DPP10: variants seen among roughly 807,000 people sequenced by gnomAD.
The protein encoded by DPP10 is dipeptidyl peptidase like 10.
Under a neutral mutation model 120.9 loss-of-function variants are expected in DPP10, and 33 were observed. The observed-to-expected ratio is 0.27, with a 90% CI of 0.21 to 0.37. The LOEUF is 0.37. Ranked by LOEUF, DPP10 falls within the 10% of genes least tolerant of loss-of-function variation. The pLI is 1.00. For synonymous variants in DPP10, 337 were observed against 326.1 expected (o/e 1.03, Z -0.36); for missense variants, 816 against 942.8 (o/e 0.87, Z 1.76).
intron 3 of DPP10, among the ~76,000 whole-genome samples, chr2:115,379,119 A>C (rs1156305120): frequency 6.6e-6 from 1 of 152,176 alleles, no homozygotes; most frequent in Admixed American, 6.5e-5. Context: ...ATAGTTTCAG[A>C]AGGAATGGTA....
intron 5 of DPP10, among the ~76,000 whole-genome samples, chr2:115,592,714 C>A (rs571631138): frequency 6.6e-6 from 1 of 152,016 alleles, no homozygotes; most frequent in African/African-American, 2.4e-5. Flanking sequence ...CGAGATTGTG[C>A]CACTGCACTC....
chr2:114,789,065 G>T (rs1274340830), intron 1 of DPP10, among the ~76,000 whole-genome samples: 1 of 152,142 alleles, frequency 6.6e-6, no homozygotes, highest in Non-Finnish European at 1.5e-5. Flanking sequence ...CAGCCCACAA[G>T]ATGAACTTCA....
rs368777302 is a variant in DPP10 at position 114,907,791 on chromosome 2, G to A, written c.61-401448G>A. ...CTTTAATGGCTTCGGTGTTCAGTACGTATCTGCTATGTCTAGTTGGCTTAT... is the reference window on the plus strand; with the variant it reads ...CTTTAATGGCTTCGGTGTTCAGTACATATCTGCTATGTCTAGTTGGCTTAT... On this transcript the variant is annotated intron_variant, in intron 1 of 25. Coordinates refer to ENST00000410059, the MANE Select transcript of DPP10 (RefSeq NM_020868.6). Among the ~76,000 whole-genome samples, 52 of 152,122 alleles carry A rather than the reference G, an allele frequency of 3.4e-4. 1 individual carries two copies. The highest frequency in any genetic ancestry group is 1.0e-3 in the African/African-American group (43 of 41,552).
intron 7 of DPP10, among the ~76,000 whole-genome samples, chr2:115,698,990 A>G (rs1038852481): frequency 2.0e-5 from 3 of 147,156 alleles, no homozygotes; most frequent in Non-Finnish European, 4.5e-5. Context: ...AAAAAAATCA[A>G]CTAAATTGGC....
intron 1 of DPP10, among the ~76,000 whole-genome samples, chr2:114,450,174 C>A (rs996587610): frequency 6.6e-6 from 1 of 152,030 alleles, no homozygotes; most frequent in African/African-American, 2.4e-5. Flanking sequence ...ACTTCCTTTG[C>A]CTCACATACC....
intron 7 of DPP10, among the ~76,000 whole-genome samples, chr2:115,709,977 T>A (rs1354862966): frequency 6.6e-6 from 1 of 151,956 alleles, no homozygotes; most frequent in Non-Finnish European, 1.5e-5. Flanking sequence ...CCCTCAAAAG[T>A]AAATGTTAGC....
chr2:115,000,988 C>A (rs1701402764), intron 1 of DPP10, among the ~76,000 whole-genome samples: 1 of 152,146 alleles, frequency 6.6e-6, no homozygotes, highest in South Asian at 2.1e-4. Context: ...GATCTTGGTT[C>A]TGTGACATCT....
intron 1 of DPP10, among the ~76,000 whole-genome samples, chr2:115,218,369 A>G (rs1254253384): frequency 2.0e-5 from 3 of 152,256 alleles, no homozygotes; most frequent in Non-Finnish European, 4.4e-5. Context: ...GTGTATTGCA[A>G]AAAAGTTCTG....
intron 1 of DPP10, among the ~76,000 whole-genome samples, chr2:115,095,511 A>T (rs1430498528): frequency 6.6e-6 from 1 of 152,006 alleles, no homozygotes; most frequent in Admixed American, 6.6e-5. Context: ...ATTAGACACA[A>T]GTAAGATCTA....
At chr2:115,022,902 G>T (rs1703178290) in intron 1 of DPP10, among the ~76,000 whole-genome samples, 1 of 152,048 alleles carries the variant, frequency 6.6e-6, no homozygotes, top group Admixed American at 6.6e-5. Context: ...AGTGGGGAAA[G>T]GACACTCCAT....
intron 1 of DPP10, among the ~76,000 whole-genome samples, chr2:115,011,605 T>C (rs1266872217): frequency 6.6e-6 from 1 of 152,184 alleles, no homozygotes; most frequent in Non-Finnish European, 1.5e-5. Flanking sequence ...GTTTGTATTT[T>C]TTTTTATTTC....
intron 19 of DPP10, among the ~76,000 whole-genome samples, chr2:115,794,507 A>G (rs1427222407): frequency 2.6e-5 from 4 of 152,204 alleles, no homozygotes; most frequent in African/African-American, 9.6e-5. Context: ...ATCAATGTCA[A>G]TGTCACATTA....
Position 114,675,273 on chromosome 2 carries a change from C to T in DPP10, c.60+232435C>T, listed in dbSNP as rs369036079. 3.3e-5 allele frequency among the ~76,000 whole-genome samples: 5 copies of T among 152,020 alleles called. No individual in the cohort carries two copies. The South Asian group carries it at 8.3e-4, about 25-fold the overall frequency. On this transcript the variant is annotated intron_variant, in intron 1 of 25. Coordinates refer to ENST00000410059, the MANE Select transcript of DPP10 (RefSeq NM_020868.6). ...TTTGCAGAAAAGTAGTTTCATAATT[C>T]GACCCACTTGCACTTGTGTCTTAAA...
chr2:114,589,884 C>T (rs1017095575), intron 1 of DPP10, among the ~76,000 whole-genome samples: 1 of 151,892 alleles, frequency 6.6e-6, no homozygotes, highest in Non-Finnish European at 1.5e-5. Context: ...GTTGGAAATA[C>T]AGTCTTTGTT....
At chr2:114,554,855 T>C (rs1251201485) in intron 1 of DPP10, among the ~76,000 whole-genome samples, 7 of 152,182 alleles carry the variant, frequency 4.6e-5, no homozygotes, top group African/African-American at 7.2e-5. Flanking sequence ...TTAATCCCTT[T>C]GCTACCACCC....
At chr2:114,936,212 C>T (rs972337932) in intron 1 of DPP10, among the ~76,000 whole-genome samples, 5 of 152,046 alleles carry the variant, frequency 3.3e-5, no homozygotes, top group African/African-American at 9.7e-5. Context: ...TAGCTTAGCT[C>T]GCACTTTAAG....
intron 2 of DPP10, among the ~76,000 whole-genome samples, chr2:115,315,332 T>G (rs1332349176): frequency 6.6e-6 from 1 of 151,988 alleles, no homozygotes; most frequent in Non-Finnish European, 1.5e-5. Context: ...TAGAAAGCAT[T>G]TAATAAAATT....
chr2:115,483,731 T>A (rs1558735001), intron 3 of DPP10, among the ~76,000 whole-genome samples: 1 of 152,238 alleles, frequency 6.6e-6, no homozygotes, highest in East Asian at 1.9e-4. Flanking sequence ...GAGTTCAGCC[T>A]TACTGGCAGA....
At chr2:114,453,882 A>C (rs1678420756) in intron 1 of DPP10, among the ~76,000 whole-genome samples, 1 of 152,208 alleles carries the variant, frequency 6.6e-6, no homozygotes, top group South Asian at 2.1e-4. Flanking sequence ...TTGGATATAC[A>C]ATAGATATTA....
Sources: gnomAD v4.1 joint callset for allele counts (sites outside exome capture counted in the v4.1 genomes callset) on GRCh38, gnomAD v4.1.1 for gene constraint, MANE v1.5 for transcripts, NCBI Gene and HGNC (gene_info 2026-07-23, HGNC 2026-07-21) for gene names.